The following HPCAL1 variants were observed in gnomAD, a reference collection of about 807,000 sequenced individuals.
HPCAL1 encodes hippocalcin-like protein 1.
HPCAL1 carries 8 observed loss-of-function variants against 17.1 expected under a neutral mutation model. The ratio of observed to expected loss-of-function variants is 0.47; its 90% CI spans 0.27 to 0.84. The LOEUF is 0.84. HPCAL1 is among the 40% of genes least tolerant of loss of function. The pLI is 0.13. For missense variants in HPCAL1, 165 were observed against 271.1 expected (o/e 0.61, Z 2.75); for synonymous variants, 112 against 111.4 (o/e 1.01, Z -0.03).
At chr2:10,364,105 G>T (rs1666689646) in intron 1 of HPCAL1, among the ~76,000 whole-genome samples, 1 of 152,206 alleles carries the variant, frequency 6.6e-6, no homozygotes, top group African/African-American at 2.4e-5. Flanking sequence ...AGCTTGCAGT[G>T]ACCTTGGAGA....
At chr2:10,420,954 T>C (rs980307184) in intron 3 of HPCAL1, among the ~76,000 whole-genome samples, 10 of 151,974 alleles carry the variant, frequency 6.6e-5, no homozygotes, top group African/African-American at 2.4e-4. Flanking sequence ...AGAGACGAGG[T>C]TTCACCATGT....
Position 10,324,816 on chromosome 2 carries a change from G to GTTTT in HPCAL1, c.-111+21660_-111+21663dup, listed in dbSNP as rs3036350. ...CAATATTGGGTTTGCTGGTTTTTGT[G>GTTTT]TTTTTTTTTTTTTTTTTTTTTTTTG... On this transcript the variant is annotated intron_variant, in intron 1 of 4. Transcript: ENST00000307845. Among the ~76,000 whole-genome samples, 124 of 66,382 alleles carry GTTTT rather than the reference G, an allele frequency of 1.9e-3. 1 individual carries two copies. The highest frequency in any genetic ancestry group is 6.4e-3 in the East Asian group (12 of 1,886). 43.5% of individuals were successfully genotyped at this position (66,382 alleles called of 152,430 possible).
intron 3 of HPCAL1, among the ~76,000 whole-genome samples, chr2:10,421,036 G>C (rs1303067594): frequency 6.6e-6 from 1 of 152,200 alleles, no homozygotes; most frequent in Non-Finnish European, 1.5e-5. Flanking sequence ...AGGATTACAG[G>C]CATGGGCCAC....
intron 1 of HPCAL1, among the ~76,000 whole-genome samples, chr2:10,329,073 C>G (rs1163073624): frequency 6.6e-6 from 1 of 152,110 alleles, no homozygotes; most frequent in Non-Finnish European, 1.5e-5. Context: ...CAAGTGTCCT[C>G]CTGCCTCGGC....
chr2:10,422,392 C>T (rs1671120444), intron 3 of HPCAL1, among the ~76,000 whole-genome samples: 1 of 152,212 alleles, frequency 6.6e-6, no homozygotes. Context: ...CCTCTGTACA[C>T]CCACCAGCAG....
intron 1 of HPCAL1, among the ~76,000 whole-genome samples, chr2:10,389,560 C>T (rs559557427): frequency 1.3e-5 from 2 of 152,338 alleles, no homozygotes; most frequent in Non-Finnish European, 2.9e-5. Flanking sequence ...GGACTTCCAG[C>T]CCCCAGAACT....
intron 1 of HPCAL1, among the ~76,000 whole-genome samples, chr2:10,321,011 T>C (rs549353482): frequency 6.6e-6 from 1 of 152,126 alleles, no homozygotes; most frequent in South Asian, 2.1e-4. Flanking sequence ...CACATTGTTA[T>C]AAAGAAATAC....
intron 1 of HPCAL1, among the ~76,000 whole-genome samples, chr2:10,347,771 T>C (rs1436614111): frequency 6.6e-6 from 1 of 151,832 alleles, no homozygotes; most frequent in East Asian, 1.9e-4. Flanking sequence ...TGGCACGGAG[T>C]ATGGGCCAAA....
chr2:10,399,052 G>A (rs758701291), intron 2 of HPCAL1, among the ~76,000 whole-genome samples: 2 of 151,780 alleles, frequency 1.3e-5, no homozygotes, highest in African/African-American at 4.8e-5. Context: ...CAGGGGAGGC[G>A]CCTGGCCCGG....
intron 1 of HPCAL1, among the ~76,000 whole-genome samples, chr2:10,334,058 T>C (rs1017463619): frequency 3.9e-5 from 6 of 152,258 alleles, no homozygotes; most frequent in African/African-American, 1.4e-4. Flanking sequence ...TCTTCTCTAC[T>C]CTTTTCTTTC....
At chr2:10,336,911 A>G (rs982814196) in intron 1 of HPCAL1, among the ~76,000 whole-genome samples, 2 of 151,956 alleles carry the variant, frequency 1.3e-5, no homozygotes, top group Non-Finnish European at 2.9e-5. Context: ...CACCTGGGTA[A>G]TTTTTACTTT....
At chr2:10,312,011 C>T (rs1382312766) in intron 1 of HPCAL1, among the ~76,000 whole-genome samples, 1 of 150,280 alleles carries the variant, frequency 6.7e-6, no homozygotes, top group Non-Finnish European at 1.5e-5. Context: ...GCCATCATCA[C>T]TGTTATCGTC....
intron 1 of HPCAL1, among the ~76,000 whole-genome samples, chr2:10,347,485 G>A (rs543124016): frequency 1.3e-4 from 20 of 152,308 alleles, no homozygotes; most frequent in African/African-American, 4.3e-4. Flanking sequence ...GGCGTGGGGA[G>A]GAGGAAAGAG....
intron 2 of HPCAL1, chr2:10,406,488 G>A (rs937733926): frequency 1.3e-5 from 2 of 152,426 alleles, no homozygotes; most frequent in Admixed American, 6.5e-5. Flanking sequence ...AACAGGACTC[G>A]GGAACCACTG....
chr2:10,411,148 A>G (rs1454380000), intron 2 of HPCAL1, among the ~76,000 whole-genome samples: 1 of 152,040 alleles, frequency 6.6e-6, no homozygotes, highest in Non-Finnish European at 1.5e-5. Context: ...TCCAGTGGGG[A>G]GGCCATCTTG....
At chr2:10,355,848 A>G (rs1476985) in intron 1 of HPCAL1, among the ~76,000 whole-genome samples, 55,992 of 151,736 alleles carry the variant, frequency 0.37, 11,238 homozygotes, top group East Asian at 0.7. Context: ...CGCACAGGGC[A>G]TGGCTATGAG....
intron 1 of HPCAL1, among the ~76,000 whole-genome samples, chr2:10,321,567 C>T (rs1394455515): frequency 6.6e-6 from 1 of 152,150 alleles, no homozygotes; most frequent in Non-Finnish European, 1.5e-5. Context: ...CTACTAATTT[C>T]AGAACATTTT....
chr2:10,412,480 G>T (rs936782397), intron 2 of HPCAL1, among the ~76,000 whole-genome samples: 1 of 152,210 alleles, frequency 6.6e-6, no homozygotes, highest in East Asian at 1.9e-4. Flanking sequence ...GCAAGAAAGG[G>T]CAGGAAAGGG....
chr2:10,413,522 T>C (rs540563220), intron 2 of HPCAL1, among the ~76,000 whole-genome samples: 1 of 151,908 alleles, frequency 6.6e-6, no homozygotes, highest in Non-Finnish European at 1.5e-5. Flanking sequence ...CCAGAGGAGG[T>C]GCTGAGTGAG....
Sources: allele counts gnomAD v4.1 joint callset (sites outside exome capture counted in the v4.1 genomes callset), GRCh38; gene constraint gnomAD v4.1.1; transcripts MANE v1.5; gene names NCBI Gene and HGNC (gene_info 2026-07-23, HGNC 2026-07-21).